Variants in INPP4B observed in about 807,000 individuals in gnomAD.
The protein encoded by INPP4B is inositol polyphosphate 4-phosphatase type II.
A neutral mutation model predicts 122.5 loss-of-function variants in INPP4B; 55 were observed. The observed-to-expected ratio is 0.45, with a 90% confidence interval of 0.36 to 0.56. The LOEUF is 0.56. INPP4B is among the 20% of genes least tolerant of loss of function. The pLI is 0.00. For synonymous variants in INPP4B, 403 were observed against 388.7 expected (o/e 1.04, Z -0.43); for missense variants, 1,000 against 1,097.7 (o/e 0.91, Z 1.26).
intron 21 of INPP4B, among the ~76,000 whole-genome samples, chr4:142,121,266 T>C (rs1038849867): frequency 6.6e-6 from 1 of 152,250 alleles, no homozygotes; most frequent in East Asian, 1.9e-4. Flanking sequence ...CAGTCAACTA[T>C]GTGGTTCTGG....
chr4:142,358,065 G>C (rs892371185), intron 7 of INPP4B, among the ~76,000 whole-genome samples: 2 of 152,104 alleles, frequency 1.3e-5, no homozygotes, highest in African/African-American at 4.8e-5. Context: ...TTCTTACAAT[G>C]TATGTAGAGA....
At chr4:142,698,644 G>T (rs1223061740) in intron 2 of INPP4B, among the ~76,000 whole-genome samples, 2 of 152,142 alleles carry the variant, frequency 1.3e-5, no homozygotes, top group Non-Finnish European at 2.9e-5. Flanking sequence ...GATCTTTCAG[G>T]CCTAACCCCA....
intron 9 of INPP4B, among the ~76,000 whole-genome samples, chr4:142,297,173 C>T (rs1045928759): frequency 1.3e-5 from 2 of 152,186 alleles, no homozygotes; most frequent in South Asian, 4.1e-4. Context: ...TGGCATGTTG[C>T]CTGATTCAAC....
At chr4:142,597,283 T>A (rs971487466) in intron 2 of INPP4B, among the ~76,000 whole-genome samples, 1 of 152,256 alleles carries the variant, frequency 6.6e-6, no homozygotes, top group African/African-American at 2.4e-5. Flanking sequence ...GCAGATTTCA[T>A]GTTTCCACAC....
chr4:142,122,055 C>A, intron 21 of INPP4B, 73 bp downstream of exon 21: 2 of 902,304 alleles, frequency 2.2e-6, no homozygotes, highest in Admixed American at 2.5e-5. Flanking sequence ...CTGAATTCTC[C>A]TTGCCTCCTC....
intron 3 of INPP4B, among the ~76,000 whole-genome samples, chr4:142,457,753 T>G (rs530724610): frequency 1.3e-5 from 2 of 152,226 alleles, no homozygotes; most frequent in East Asian, 3.9e-4. Context: ...CTGCTAGTTT[T>G]GTTTGTTTGT....
At chr4:142,613,110 C>T (rs1013628415) in intron 2 of INPP4B, among the ~76,000 whole-genome samples, 5 of 152,120 alleles carry the variant, frequency 3.3e-5, no homozygotes, top group Non-Finnish European at 1.5e-5. Context: ...GGAGCAGACC[C>T]ATGTTGAGAA....
chr4:142,611,934 G>T (rs1742630616), intron 2 of INPP4B, among the ~76,000 whole-genome samples: 1 of 152,174 alleles, frequency 6.6e-6, no homozygotes, highest in Non-Finnish European at 1.5e-5. Context: ...CTCCCAAAGT[G>T]CTGGGATTAT....
intron 25 of INPP4B, among the ~76,000 whole-genome samples, chr4:142,042,543 TATGTATGTATGTATG>T (rs1483665411): frequency 2.4e-3 from 79 of 33,260 alleles, no homozygotes; most frequent in African/African-American, 3.9e-3. Flanking sequence ...TGTATGTATG[TATGTATGTATGTATG>T]TATTTATTTA....
chr4:142,240,906 G>A (rs1859031045), intron 11 of INPP4B, among the ~76,000 whole-genome samples: 1 of 152,050 alleles, frequency 6.6e-6, no homozygotes, highest in Non-Finnish European at 1.5e-5. Context: ...CTGATGGTGG[G>A]GAGGTTTTGT....
intron 1 of INPP4B, among the ~76,000 whole-genome samples, chr4:142,752,330 G>A (rs557812007): frequency 6.6e-6 from 1 of 152,176 alleles, no homozygotes; most frequent in South Asian, 2.1e-4. Context: ...AAGCTGTCCT[G>A]GCAATCCTCT....
chr4:142,213,117 G>A (rs1488029104), intron 12 of INPP4B, among the ~76,000 whole-genome samples: 1 of 152,140 alleles, frequency 6.6e-6, no homozygotes, highest in Non-Finnish European at 1.5e-5. Context: ...CCATATCATT[G>A]GATTAGGCAT....
intron 21 of INPP4B, among the ~76,000 whole-genome samples, chr4:142,119,935 C>T (rs1471684314): frequency 2.0e-5 from 3 of 150,942 alleles, no homozygotes; most frequent in African/African-American, 7.3e-5. Flanking sequence ...ATTACCTAAA[C>T]CCAACTTACA....
At chr4:142,806,497 T>C (rs1270248492) in intron 1 of INPP4B, among the ~76,000 whole-genome samples, 1 of 151,792 alleles carries the variant, frequency 6.6e-6, no homozygotes, top group Non-Finnish European at 1.5e-5. Flanking sequence ...ATCCCAGCAC[T>C]TTGGGAGGCC....
At chr4:142,314,415 G>C (rs146180132) in intron 8 of INPP4B, among the ~76,000 whole-genome samples, 1 of 152,194 alleles carries the variant, frequency 6.6e-6, no homozygotes, top group Non-Finnish European at 1.5e-5. Flanking sequence ...CTCACCTCCT[G>C]TTGGTCCAGA....
At chr4:142,685,062 C>T (rs1759151544) in intron 2 of INPP4B, among the ~76,000 whole-genome samples, 1 of 152,004 alleles carries the variant, frequency 6.6e-6, no homozygotes, top group Non-Finnish European at 1.5e-5. Flanking sequence ...GACATTATTC[C>T]CTGATTCAGA....
At chr4:142,230,530 G>T (rs903099135) in intron 12 of INPP4B, among the ~76,000 whole-genome samples, 1 of 150,946 alleles carries the variant, frequency 6.6e-6, no homozygotes, top group Non-Finnish European at 1.5e-5. Context: ...CTGTAATTCC[G>T]GCTACTTGGA....
chr4:142,089,480 C>CAGAG (rs751487351), intron 23 of INPP4B, among the ~76,000 whole-genome samples: 5 of 134,964 alleles, frequency 3.7e-5, no homozygotes, highest in African/African-American at 1.3e-4. Flanking sequence ...CACACACACA[C>CAGAG]AGAGAGAGAG....
chr4:142,114,888 A>G (rs1792245126), intron 21 of INPP4B, among the ~76,000 whole-genome samples: 1 of 152,128 alleles, frequency 6.6e-6, no homozygotes, highest in Admixed American at 6.6e-5. Flanking sequence ...GTTCAAACCC[A>G]TCACAAAGAA....
Sources: gnomAD v4.1 joint callset for allele counts (sites outside exome capture counted in the v4.1 genomes callset) on GRCh38, gnomAD v4.1.1 for gene constraint, MANE v1.5 for transcripts, NCBI Gene and HGNC (gene_info 2026-07-23, HGNC 2026-07-21) for gene names.